The following TRPV5 variants were observed in gnomAD, a reference collection of about 807,000 sequenced individuals.
TRPV5 encodes calcium transport protein 2.
A neutral mutation model predicts 74.1 loss-of-function variants in TRPV5; 66 were observed. The observed-to-expected ratio is 0.89, with a 90% CI of 0.73 to 1.09. The LOEUF (loss-of-function observed/expected upper bound fraction) is 1.09, where lower values mean the gene tolerates loss of function less well. Among genes scored for constraint, TRPV5 ranks in the 50% least tolerant of loss-of-function variants. TRPV5 has a pLI of 0.00. For synonymous variants in TRPV5, 399 were observed against 360.7 expected (o/e 1.11, Z -1.20); for missense variants, 936 against 930.4 (o/e 1.01, Z -0.08).
intron 7 of TRPV5, 75 bp from the exon 8 acceptor site, chr7:142,925,816 A>G: frequency 7.7e-7 from 1 of 1,293,832 alleles, no homozygotes; most frequent in Non-Finnish European, 1.1e-6. Flanking sequence ...GGGCCAGAAG[A>G]GGCAGGGCAG....
chr7:142,912,851 T>TCTAC, intron 12 of TRPV5, 101 bp from the exon 13 acceptor site: 1 of 888,508 alleles, frequency 1.1e-6, no homozygotes, highest in African/African-American at 1.7e-5. Context: ...TATCTATCTA[T>TCTAC]CTATCTATCT....
intron 1 of TRPV5, among the ~76,000 whole-genome samples, chr7:142,931,770 C>T (rs540383981): frequency 3.3e-4 from 50 of 152,238 alleles, no homozygotes; most frequent in African/African-American, 6.7e-4. Context: ...GGTGCGATCT[C>T]GGCTCACTGC....
At position 142,924,243 on chromosome 7, in the gene TRPV5, T is replaced by C. The variant is rs113699502; in HGVS notation, c.1122+1286A>G. 5.2e-3 allele frequency among the ~76,000 whole-genome samples: 654 copies of C among 125,562 alleles called. 5 individuals carry two copies. Among genetic ancestry groups the C allele is most frequent in the African/African-American group, 0.016 (449 of 27,458 alleles). 82.4% of individuals were successfully genotyped at this position (125,562 alleles called of 152,430 possible). A position where few individuals can be genotyped will look rare whatever the true frequency, so the allele number is the denominator to read the frequency against. ...GTATATATATACATATATATATATA[T>C]ACATATACATGTATATATATACATA... On this transcript the variant is annotated intron_variant, in intron 8 of 14. Transcript: ENST00000265310.
Position 142,925,551 on chromosome 7 carries a change from A to G in TRPV5, c.1100T>C (p.Ile367Thr), listed in dbSNP as rs1382749251. 3 of 1,614,094 alleles carry G rather than the reference A, an allele frequency of 1.9e-6. No homozygotes were observed. The South Asian group carries it at 3.3e-5, about 18-fold the overall frequency. Residue 367 changes from isoleucine (I) to threonine (T), a missense_variant, in exon 8 of 15, where the codon ATC becomes ACC. Transcript: ENST00000265310. ...GNRTHSRDIT[I>T]LQQKLLQEAY... ...CACCTGTAGTAGTTTTTGCTGGAGGATGGTGATGTCTCGAGAATGAGTGCG... is the reference window on the plus strand; with the variant it reads ...CACCTGTAGTAGTTTTTGCTGGAGGGTGGTGATGTCTCGAGAATGAGTGCG...
rs779890358 is a variant in TRPV5 at position 142,930,164 on chromosome 7, C to T, written c.243G>A (p.Thr81=). The change falls in exon 3 of 15, where the codon ACG becomes ACA. Residue 81 remains threonine, a synonymous_variant. Coordinates refer to ENST00000265310, the MANE Select transcript of TRPV5 (RefSeq NM_019841.7). ...DVRQRGALGE[T]ALHIAALYDN... The stretch of plus-strand genomic sequence containing the variant: ...CATAGAGGGCTGCTATGTGCAGCGC[C>T]GTCTCCCCCAGGGCTCCTGGATTGG... 3.0e-5 allele frequency: 48 copies of T among 1,613,220 alleles called. No individual in the cohort carries two copies. The highest frequency in any genetic ancestry group is 5.0e-5 in the Admixed American group (3 of 59,720).
intron 4 of TRPV5, 134 bp from the exon 5 acceptor site, chr7:142,929,254 C>T: frequency 6.8e-7 from 1 of 1,472,998 alleles, no homozygotes; most frequent in South Asian, 1.3e-5. Flanking sequence ...TCCAGCAGAA[C>T]CAGAGGAAGG....
intron 8 of TRPV5, chr7:142,925,089 T>C (rs1338710173): frequency 2.2e-5 from 6 of 271,966 alleles, no homozygotes; most frequent in African/African-American, 8.7e-5. Flanking sequence ...CATGGGCCCA[T>C]ATAGACAGCA....
intron 8 of TRPV5, among the ~76,000 whole-genome samples, chr7:142,921,853 T>C (rs1443167871): frequency 2.0e-5 from 3 of 152,180 alleles, no homozygotes; most frequent in East Asian, 1.9e-4. Flanking sequence ...CTCTAGTGAA[T>C]CTTCTTTCAG....
rs536742698 is a variant in TRPV5 at position 142,917,809 on chromosome 7, T to G, written c.1123-2241A>C. Among the ~76,000 whole-genome samples, 7 of 152,306 alleles carry G rather than the reference T, an allele frequency of 4.6e-5. No homozygotes were observed. In the East Asian group the frequency reaches 1.4e-3, roughly 29 times the overall value. On this transcript the variant is annotated intron_variant, in intron 8 of 14. Coordinates refer to ENST00000265310, the MANE Select transcript of TRPV5 (RefSeq NM_019841.7). Reference sequence around the variant, plus strand: ...TGCCACAGACTCCTGAGAGCCCCCTTCCTTGCTGCTCTACAAGACCAGAAT... The same window carrying G: ...TGCCACAGACTCCTGAGAGCCCCCTGCCTTGCTGCTCTACAAGACCAGAAT...
At chr7:142,929,231 T>G (rs1796043232) in intron 4 of TRPV5, 111 bp from the exon 5 acceptor site, 2 of 1,491,136 alleles carry the variant, frequency 1.3e-6, no homozygotes, top group Admixed American at 2.0e-5. Flanking sequence ...AGTTCTAGGC[T>G]GAGGGACACT....
At chr7:142,911,993 T>C (rs953766527) in intron 13 of TRPV5, among the ~76,000 whole-genome samples, 2 of 152,202 alleles carry the variant, frequency 1.3e-5, no homozygotes, top group Admixed American at 1.3e-4. Flanking sequence ...AAGGTACTAA[T>C]CAGCATTAGA....
At position 142,929,098 on chromosome 7, in the gene TRPV5, A is replaced by G; in HGVS notation, c.510T>C (p.Ala170=). The change falls in exon 5 of 15, where the codon GCT becomes GCC. Residue 170 remains alanine (A), a synonymous_variant. Coordinates refer to ENST00000265310, the MANE Select transcript of TRPV5 (RefSeq NM_019841.7). The part of the protein sequence containing the change: ...IYFGEHPLSF[A]ACVNSEEIVR... ...CGATCTCCTCGCTGTTCACACAGGC[A>G]GCAAAGGACAAAGGGTGCTCCCCTG... 6.2e-7 allele frequency: 1 copy of G among 1,614,108 alleles called. No homozygotes were observed. Among genetic ancestry groups the G allele is most frequent in the South Asian group, 1.1e-5 (1 of 91,080 alleles).
intron 8 of TRPV5, among the ~76,000 whole-genome samples, chr7:142,920,897 C>T (rs140678926): frequency 2.5e-3 from 387 of 152,262 alleles, no homozygotes; most frequent in Non-Finnish European, 3.2e-3. Flanking sequence ...TTAATAAGGC[C>T]TCAAAAACAC....
chr7:142,923,786 C>T (rs764800670), intron 8 of TRPV5, among the ~76,000 whole-genome samples: 32 of 152,162 alleles, frequency 2.1e-4, no homozygotes, highest in Non-Finnish European at 4.0e-4. Context: ...TGTGATTGTA[C>T]ATAACTAGCC....
At position 142,928,336 on chromosome 7, in the gene TRPV5, C is replaced by CA. The variant is rs3840679; in HGVS notation, c.763-103dup. 1.2e-4 allele frequency: 159 copies of CA among 1,273,174 alleles called. No individual in the cohort carries two copies. In the East Asian group the frequency reaches 3.3e-3, roughly 27 times the overall value. 78.9% of individuals were successfully genotyped at this position (1,273,174 alleles called of 1,614,324 possible). A position where few individuals can be genotyped will look rare whatever the true frequency, so the allele number is the denominator to read the frequency against. On this transcript the variant is annotated intron_variant, in intron 6 of 14. Coordinates refer to ENST00000265310, the MANE Select transcript of TRPV5 (RefSeq NM_019841.7). ...CCAGTTGCCCACCCCTTGAGACAGA[C>CA]AGACAGTGGGAACCAGCAAACCTCT...
chr7:142,928,882 G>T lies in TRPV5; in HGVS notation c.587-16C>A, dbSNP rs773441130. 1.2e-6 allele frequency: 2 copies of T among 1,613,454 alleles called. No individual in the cohort carries two copies. Among genetic ancestry groups the T allele is most frequent in the Non-Finnish European group, 1.7e-6 (2 of 1,179,620 alleles). On this transcript the variant is annotated splice_polypyrimidine_tract_variant and intron_variant, in intron 5 of 14. Transcript: ENST00000265310. ...ACTGTGTTTCCTGGGGAGGACGCAGGGTATCATGTGGCCACTGGCCTAAAG... is the reference window on the plus strand; with the variant it reads ...ACTGTGTTTCCTGGGGAGGACGCAGTGTATCATGTGGCCACTGGCCTAAAG...
At position 142,908,813 on chromosome 7, in the gene TRPV5, TAAGGGGA is replaced by T. The variant is rs747549449; in HGVS notation, c.1896-12_1896-6del. The T allele has an allele frequency of 3.1e-5, 49 of 1,606,346 alleles. No homozygotes were observed. The East Asian group carries it at 1.0e-3, about 34-fold the overall frequency. On this transcript the variant is annotated splice_polypyrimidine_tract_variant and splice_region_variant and intron_variant, in intron 14 of 14. Coordinates refer to ENST00000265310, the MANE Select transcript of TRPV5 (RefSeq NM_019841.7). ...TGATCATTGTGGTTCTCAACCCTGA[TAAGGGGA>T]AAGGGGAAAGGACTCAATCCAGGTG...
chr7:142,920,917 C>T (rs1795872976), intron 8 of TRPV5, among the ~76,000 whole-genome samples: 1 of 152,190 alleles, frequency 6.6e-6, no homozygotes, highest in Non-Finnish European at 1.5e-5. Flanking sequence ...CTGATGAATG[C>T]ATGTGTTCAT....
rs1419912156 is a variant in TRPV5, at chr7:142,915,569, C to T, written c.1123-1G>A. On this transcript the variant is annotated splice_acceptor_variant, in intron 8 of 14. Coordinates refer to ENST00000265310, the MANE Select transcript of TRPV5 (RefSeq NM_019841.7). LOFTEE classifies it high-confidence loss of function. ...TATCTTCACGTGTCTCATAGGCCTC[C>T]TATGTGGGGAAATTCAGAAGAAGTG... The T allele has an allele frequency of 6.2e-7, 1 of 1,613,988 alleles. No homozygotes were observed. Among genetic ancestry groups the T allele is most frequent in the East Asian group, 2.2e-5 (1 of 44,872 alleles).
Sources: gnomAD v4.1 joint callset for allele counts (sites outside exome capture counted in the v4.1 genomes callset) on GRCh38, gnomAD v4.1.1 for gene constraint, MANE v1.5 for transcripts, NCBI Gene and HGNC (gene_info 2026-07-23, HGNC 2026-07-21) for gene names.